The following ZBTB45 variants were observed in gnomAD, a reference collection of about 807,000 sequenced individuals.
The protein encoded by ZBTB45 is zinc finger and BTB domain containing 45.
A neutral mutation model predicts 28.4 loss-of-function variants in ZBTB45; 22 were observed. The ratio of observed to expected loss-of-function variants is 0.77; its 90% CI spans 0.55 to 1.10. ZBTB45 has a LOEUF of 1.10. ZBTB45 is among the 50% of genes least tolerant of loss of function. The probability of loss-of-function intolerance (pLI) is 0.00; values close to 1 mark genes in which losing one functional copy is unlikely to be tolerated. For synonymous variants in ZBTB45, 361 were observed against 332.3 expected, an observed-to-expected ratio of 1.09 and a Z score of -0.94; for missense variants, 656 against 750.2, an observed-to-expected ratio of 0.87 and a Z score of 1.47.
At chr19:58,529,572 T>C (rs2053625763) in intron 1 of ZBTB45, among the ~76,000 whole-genome samples, 1 of 152,224 alleles carries the variant, frequency 6.6e-6, no homozygotes, top group South Asian at 2.1e-4. Context: ...CTGGAAACCA[T>C]TAACCTAACC....
At chr19:58,531,596 T>C (rs1000121357) in intron 1 of ZBTB45, among the ~76,000 whole-genome samples, 4 of 152,224 alleles carry the variant, frequency 2.6e-5, no homozygotes, top group African/African-American at 9.6e-5. Context: ...ACTGGGGCCA[T>C]GTGTTCCCCT....
At chr19:58,520,730 C>A (rs987201772), upstream of ZBTB45, among the ~76,000 whole-genome samples, 2 of 152,170 alleles carry the variant, frequency 1.3e-5, no homozygotes, top group Non-Finnish European at 2.9e-5. Flanking sequence ...TGCTGAGAAT[C>A]TGAGAAGAGC....
At chr19:58,518,701 G>A (rs2053546835) in intron 1 of ZBTB45, among the ~76,000 whole-genome samples, 1 of 152,112 alleles carries the variant, frequency 6.6e-6, no homozygotes, top group African/African-American at 2.4e-5. Flanking sequence ...CCTTCGGCCT[G>A]TTTCCCCTTC....
chr19:58,525,198 C>G (rs1169942855), intron 1 of ZBTB45, among the ~76,000 whole-genome samples: 2 of 152,172 alleles, frequency 1.3e-5, no homozygotes. Flanking sequence ...CCAGGCTCCC[C>G]CTCTTTGGCA....
Position 58,514,156 on chromosome 19 carries a change from C to T in ZBTB45, c.1434G>A (p.Met478Ile). The stretch of plus-strand genomic sequence containing the variant: ...GCGCGCGCTCGGGCCGGTGAGTGCG[C>T]ATGTGCACGTTGAGCGAGCTCTTCT... ...FTQKSSLNVH[M>I]RTHRPERAPC... The change falls in exon 3 of 3, where the codon ATG (methionine) becomes ATA (isoleucine). Residue 478 changes from methionine (M) to isoleucine (I), a missense_variant. Coordinates refer to ENST00000594051, the MANE Select transcript of ZBTB45 (RefSeq NM_001316979.2). The T allele has an allele frequency of 6.2e-7, 1 of 1,610,742 alleles. No individual in the cohort carries two copies.
upstream of ZBTB45, among the ~76,000 whole-genome samples, chr19:58,522,521 G>C (rs1022769770): frequency 6.6e-6 from 1 of 151,892 alleles, no homozygotes; most frequent in African/African-American, 2.4e-5. Context: ...CATAATCCCA[G>C]CTACTTGGGA....
Position 58,517,585 on chromosome 19 carries a change from C to T in ZBTB45, c.89G>A (p.Gly30Glu), listed in dbSNP as rs771267248. ...GCGCACAGTCACGTCACAGAAGTGT[C>T]CCCCAAGCCTCTGCCCATTGAGGGT... ...LETLNGQRLG[G>E]HFCDVTVRIR... The change falls in exon 2 of 3, where the codon GGA (glycine) becomes GAA (glutamate). Residue 30 changes from glycine to glutamate, a missense_variant. Physicochemically the swap from Gly to Glu is moderately conservative, Grantham distance 98. Around this residue, in one of 3 missense-constraint regions of ZBTB45, gnomAD observed 105 missense variants for 152.4 expected, o/e 0.69. Coordinates refer to ENST00000594051, the MANE Select transcript of ZBTB45 (RefSeq NM_001316979.2). The T allele has an allele frequency of 1.2e-5, 19 of 1,613,860 alleles. No homozygotes were observed. Among genetic ancestry groups the T allele is most frequent in the Non-Finnish European group, 1.5e-5 (18 of 1,179,990 alleles).
intron 1 of ZBTB45, among the ~76,000 whole-genome samples, chr19:58,526,801 G>A (rs2053610269): frequency 6.6e-6 from 1 of 151,534 alleles, no homozygotes; most frequent in East Asian, 1.9e-4. Context: ...AAAGTGCTGG[G>A]ATTACAGGCG....
chr19:58,532,886 A>C (rs996935962), intron 1 of ZBTB45, among the ~76,000 whole-genome samples: 3 of 149,538 alleles, frequency 2.0e-5, no homozygotes, highest in African/African-American at 7.4e-5. Context: ...CCCAGGCTGG[A>C]GTGCAGTGGC....
At chr19:58,528,462 CA>C (rs376159411) in intron 1 of ZBTB45, among the ~76,000 whole-genome samples, 19,905 of 128,240 alleles carry the variant, frequency 0.16, 1,651 homozygotes, top group Middle Eastern at 0.25. Context: ...GACTAGTTCT[CA>C]AAAAAAAAAA....
intron 1 of ZBTB45, among the ~76,000 whole-genome samples, chr19:58,534,451 A>G (rs1441629923): frequency 6.6e-6 from 1 of 151,884 alleles, no homozygotes; most frequent in Non-Finnish European, 1.5e-5. Context: ...GTGCAGTGGC[A>G]TGATCTCAGC....
In ZBTB45 at chr19:58,519,802, G is replaced by C. The variant is rs1319987443; in HGVS notation, c.-61C>G. On this transcript the variant is annotated 5_prime_UTR_variant, in exon 1 of 3. Coordinates refer to ENST00000594051, the MANE Select transcript of ZBTB45 (RefSeq NM_001316979.2). ...GCCGCTTCCTCCTGACCGACTACAA[G>C]GCCGCACTTCCGGGCCGTTACCCCG... The C allele has an allele frequency of 2.6e-5, 4 of 152,450 alleles. No individual in the cohort carries two copies. Among genetic ancestry groups the C allele is most frequent in the Non-Finnish European group, 5.9e-5 (4 of 68,112 alleles). 9.4% of individuals were successfully genotyped at this position (152,450 alleles called of 1,614,324 possible). A position where few individuals can be genotyped will look rare whatever the true frequency, so the allele number is the denominator to read the frequency against.
chr19:58,531,811 G>T (rs1362843778), intron 1 of ZBTB45, among the ~76,000 whole-genome samples: 1 of 152,156 alleles, frequency 6.6e-6, no homozygotes, highest in East Asian at 1.9e-4. Flanking sequence ...CCAGCTGTTT[G>T]ATCAGGTTTG....
intron 1 of ZBTB45, among the ~76,000 whole-genome samples, chr19:58,526,518 T>TA (rs2053607730): frequency 3.0e-5 from 2 of 66,226 alleles, no homozygotes; most frequent in Admixed American, 1.4e-4. Context: ...CTGTTATTAT[T>TA]ATTATTATTT....
chr19:58,529,149 C>A lies in ZBTB45; in HGVS notation c.-1+9552G>T, dbSNP rs139368199. Among the ~76,000 whole-genome samples, 1,468 of 148,126 alleles carry A rather than the reference C, an allele frequency of 9.9e-3. 21 individuals are homozygous for A. The highest frequency in any genetic ancestry group is 0.035 in the African/African-American group (1,379 of 39,322). On this transcript the variant is annotated intron_variant, in intron 1 of 1. Coordinates refer to the ZBTB45 transcript ENST00000600130. ...AACCTCATAAAGCATCTTTTGAAAA[C>A]AAGGATGGGGTCGGATGTGGTGGCT...
chr19:58,520,473 AAT>A (rs775442300), upstream of ZBTB45, among the ~76,000 whole-genome samples: 5 of 152,068 alleles, frequency 3.3e-5, no homozygotes, highest in Non-Finnish European at 5.9e-5. Context: ...AGAACCTGTA[AAT>A]ATGATTATCT....
intron 1 of ZBTB45, among the ~76,000 whole-genome samples, chr19:58,526,525 ATTTTT>A (rs71293931): frequency 7.6e-6 from 1 of 131,008 alleles, no homozygotes; most frequent in African/African-American, 2.9e-5. Context: ...TATTATTATT[ATTTTT>A]TTTTTTTTTT....
chr19:58,523,629 T>C (rs2053590175), upstream of ZBTB45, among the ~76,000 whole-genome samples: 2 of 120,940 alleles, frequency 1.7e-5, no homozygotes, highest in Admixed American at 1.6e-4. Context: ...CAGCTGTCAT[T>C]GCACTCCAGC....
At chr19:58,524,353 A>C (rs1477026225), upstream of ZBTB45, among the ~76,000 whole-genome samples, 2 of 150,506 alleles carry the variant, frequency 1.3e-5, no homozygotes, top group African/African-American at 2.4e-5. Flanking sequence ...CGACAAGAGC[A>C]AGACTCCGTC....
Sources: allele counts gnomAD v4.1 joint callset (sites outside exome capture counted in the v4.1 genomes callset), GRCh38; gene constraint gnomAD v4.1.1; regional missense constraint gnomAD v4.1.1; transcripts MANE v1.5; gene names NCBI Gene and HGNC (gene_info 2026-07-23, HGNC 2026-07-21).